VWA8: variants seen among roughly 807,000 people sequenced by gnomAD.
VWA8 encodes the protein von Willebrand factor A domain-containing protein 8.
VWA8 carries 221 observed loss-of-function variants against 241.5 expected under a neutral mutation model. The ratio of observed to expected loss-of-function variants is 0.91; its 90% CI spans 0.82 to 1.02. The LOEUF (loss-of-function observed/expected upper bound fraction) is 1.02. Ranked by LOEUF, VWA8 falls within the 50% of genes least tolerant of loss-of-function variation. The pLI is 0.00. For synonymous variants in VWA8, 852 were observed against 827.1 expected, an observed-to-expected ratio of 1.03 and a Z score of -0.52; for missense variants, 2,322 against 2,328.7, an observed-to-expected ratio of 1.00 and a Z score of 0.06.
At chr13:41,675,516 T>C (rs2045054727) in intron 35 of VWA8, among the ~76,000 whole-genome samples, 1 of 152,176 alleles carries the variant, frequency 6.6e-6, no homozygotes, top group Non-Finnish European at 1.5e-5. Context: ...ACCTAAGTTA[T>C]TTTCATTGTC....
chr13:41,676,969 T>C (rs1253295881), intron 35 of VWA8, among the ~76,000 whole-genome samples: 1 of 152,214 alleles, frequency 6.6e-6, no homozygotes, highest in Non-Finnish European at 1.5e-5. Context: ...AAAAAAATCT[T>C]CTTTCAAAAA....
rs543390025 is a variant in VWA8 at position 41,578,449 on chromosome 13, C to T, written c.5272-2611G>A. Among the ~76,000 whole-genome samples, 54 of 152,262 alleles carry T rather than the reference C, an allele frequency of 3.5e-4. 1 individual carries two copies. In the South Asian group the frequency reaches 0.011, roughly 31 times the overall value. On this transcript the variant is annotated intron_variant, in intron 42 of 44. Coordinates refer to ENST00000379310, the MANE Select transcript of VWA8 (RefSeq NM_015058.2). Reference sequence around the variant, plus strand: ...TATTAAGCTTCCATTACCAGCAATACTCCTCCATCAAAATTATCTAGTATC... The same window carrying T: ...TATTAAGCTTCCATTACCAGCAATATTCCTCCATCAAAATTATCTAGTATC...
chr13:41,863,433 GTATATA>G lies in VWA8; in HGVS notation c.1425+2297_1425+2302del, dbSNP rs201997688. Among the ~76,000 whole-genome samples, 107 of 69,816 alleles carry G rather than the reference GTATATA, an allele frequency of 1.5e-3. 3 individuals are homozygous for G. The highest frequency in any genetic ancestry group is 0.013 in the East Asian group (32 of 2,426). 45.8% of individuals were successfully genotyped at this position (69,816 alleles called of 152,430 possible). A position where few individuals can be genotyped will look rare whatever the true frequency, so the allele number is the denominator to read the frequency against. On this transcript the variant is annotated intron_variant, in intron 12 of 44. Coordinates refer to ENST00000379310, the MANE Select transcript of VWA8 (RefSeq NM_015058.2). ...TGTGTGTGTGTGTGTGTGTGTGTGT[GTATATA>G]TATATATATATATATTCACACACAC...
intron 2 of VWA8, among the ~76,000 whole-genome samples, chr13:41,921,439 G>A (rs1049903204): frequency 6.6e-6 from 1 of 152,140 alleles, no homozygotes; most frequent in Non-Finnish European, 1.5e-5. Flanking sequence ...TCTGGCCAGG[G>A]CAATCAGGCA....
chr13:41,866,711 A>G (rs544777377), intron 10 of VWA8, among the ~76,000 whole-genome samples: 1 of 152,122 alleles, frequency 6.6e-6, no homozygotes, highest in Non-Finnish European at 1.5e-5. Context: ...TGGAGAATAA[A>G]TTTTTTTCCC....
intron 4 of VWA8, among the ~76,000 whole-genome samples, chr13:41,900,361 C>T (rs1428829113): frequency 6.6e-6 from 1 of 152,028 alleles, no homozygotes; most frequent in Non-Finnish European, 1.5e-5. Context: ...CTATAAGGAG[C>T]TCTTCTTGTC....
chr13:41,632,710 T>G (rs941409972), intron 37 of VWA8, among the ~76,000 whole-genome samples: 8 of 152,194 alleles, frequency 5.3e-5, no homozygotes, highest in Non-Finnish European at 1.0e-4. Flanking sequence ...ATGAATCCAC[T>G]GCCTACTGAT....
chr13:41,790,915 G>A (rs1869427787), intron 17 of VWA8, among the ~76,000 whole-genome samples: 1 of 151,564 alleles, frequency 6.6e-6, no homozygotes, highest in Non-Finnish European at 1.5e-5. Context: ...AAATATATGA[G>A]TGATATTTTA....
rs761277100 is a variant in VWA8 at position 41,833,563 on chromosome 13, C to T, written c.1426-32G>A. 9.0e-6 allele frequency: 14 copies of T among 1,556,766 alleles called. No homozygotes were observed. The South Asian group carries it at 1.5e-4, about 16-fold the overall frequency. On this transcript the variant is annotated intron_variant, in intron 12 of 44. Transcript: ENST00000379310. ...CAAATCCCCACCACCCAACAAAGAA[C>T]ATGACGAATTAATTTTTAAGACATG...
At chr13:41,827,372 C>T (rs1355461364) in intron 14 of VWA8, among the ~76,000 whole-genome samples, 1 of 152,062 alleles carries the variant, frequency 6.6e-6, no homozygotes, top group Non-Finnish European at 1.5e-5. Flanking sequence ...ACAGATTATT[C>T]CTAACACTAA....
Position 41,619,061 on chromosome 13 carries a change from G to T in VWA8, c.4612-3977C>A, listed in dbSNP as rs563814596. Among the ~76,000 whole-genome samples the T allele has an allele frequency of 3.4e-4, 52 of 152,240 alleles. 1 individual carries two copies. In the South Asian group the frequency reaches 0.011, roughly 31 times the overall value. ...TGGCATTGAATCTGTAAATTGCCTT[G>T]GGCAGTATGGCCATTTTCACAATAT... On this transcript the variant is annotated intron_variant, in intron 37 of 44. Transcript: ENST00000379310.
chr13:41,729,796 T>A, intron 22 of VWA8, 119 bp from the exon 23 acceptor site: 2 of 596,414 alleles, frequency 3.4e-6, no homozygotes, highest in African/African-American at 2.6e-5. Context: ...AGTATACACG[T>A]AGACACACAC....
intron 41 of VWA8, among the ~76,000 whole-genome samples, chr13:41,590,126 G>A (rs2044444725): frequency 1.3e-5 from 2 of 152,196 alleles, no homozygotes; most frequent in African/African-American, 2.4e-5. Flanking sequence ...GCTCATGGGA[G>A]GCACTGGTGG....
intron 26 of VWA8, among the ~76,000 whole-genome samples, chr13:41,704,440 A>C (rs117263790): frequency 1.0e-3 from 155 of 148,500 alleles, no homozygotes; most frequent in Non-Finnish European, 1.9e-3. Flanking sequence ...ATAAAACAGC[A>C]GATAATTTTT....
intron 12 of VWA8, among the ~76,000 whole-genome samples, chr13:41,855,709 A>G (rs1872721243): frequency 2.0e-5 from 3 of 152,244 alleles, no homozygotes; most frequent in South Asian, 4.1e-4. Flanking sequence ...GTTCAAGGTG[A>G]TGGAAATGCC....
At chr13:41,809,409 T>C (rs947577280) in intron 17 of VWA8, among the ~76,000 whole-genome samples, 3 of 152,066 alleles carry the variant, frequency 2.0e-5, no homozygotes, top group Non-Finnish European at 2.9e-5. Flanking sequence ...AACAGATACA[T>C]AGACCAATGG....
intron 1 of VWA8, among the ~76,000 whole-genome samples, chr13:41,951,137 C>T (rs903915614): frequency 2.5e-4 from 38 of 152,258 alleles, no homozygotes; most frequent in African/African-American, 8.9e-4. Flanking sequence ...CAAGAACTGG[C>T]CAGGTGCAGT....
intron 40 of VWA8, among the ~76,000 whole-genome samples, chr13:41,602,365 C>G (rs756602465): frequency 1.1e-4 from 17 of 152,020 alleles, no homozygotes; most frequent in African/African-American, 3.9e-4. Flanking sequence ...AGCTTTGGGC[C>G]GCACCTGCCT....
At chr13:41,673,564 A>G (rs2045040256) in intron 36 of VWA8, among the ~76,000 whole-genome samples, 1 of 152,218 alleles carries the variant, frequency 6.6e-6, no homozygotes, top group Non-Finnish European at 1.5e-5. Context: ...TAAAATACAT[A>G]CTGAATTTCA....
Sources: gnomAD v4.1 joint callset for allele counts (sites outside exome capture counted in the v4.1 genomes callset) on GRCh38, gnomAD v4.1.1 for gene constraint, MANE v1.5 for transcripts, NCBI Gene and HGNC (gene_info 2026-07-23, HGNC 2026-07-21) for gene names.